MYO5A: variants seen among roughly 807,000 people sequenced by gnomAD.
MYO5A encodes myosin VA.
MYO5A carries 98 observed loss-of-function variants against 249.7 expected under a neutral mutation model. The ratio of observed to expected loss-of-function variants is 0.39; its 90% CI spans 0.33 to 0.46. The LOEUF is 0.46. MYO5A is among the 20% of genes least tolerant of loss of function. The pLI, the probability that MYO5A is intolerant of heterozygous loss-of-function variation, is 0.98. For synonymous variants in MYO5A, 778 were observed against 810.6 expected, an observed-to-expected ratio of 0.96 and a Z score of 0.68; for missense variants, 1,696 against 2,308.8, an observed-to-expected ratio of 0.73 and a Z score of 5.44.
intron 1 of MYO5A, among the ~76,000 whole-genome samples, chr15:52,442,758 CTTTTTTTTT>C (rs57527294): frequency 7.1e-6 from 1 of 140,994 alleles, no homozygotes; most frequent in Admixed American, 7.1e-5. Flanking sequence ...CAGTTTTTTT[CTTTTTTTTT>C]TTTTTTGAGA....
chr15:52,482,712 A>G (rs190169418), intron 1 of MYO5A, among the ~76,000 whole-genome samples: 1 of 152,194 alleles, frequency 6.6e-6, no homozygotes, highest in East Asian at 1.9e-4. Flanking sequence ...GTGAACCTAA[A>G]ATGGCTTTAA....
chr15:52,325,408 C>CT (rs1209313890), intron 36 of MYO5A, among the ~76,000 whole-genome samples: 11,469 of 139,444 alleles, frequency 0.082, 1,390 homozygotes, highest in African/African-American at 0.27. Flanking sequence ...AAGCCCCCCA[C>CT]TTTTTTTTTT....
chr15:52,401,074 CTT>C (rs61604681), intron 9 of MYO5A, among the ~76,000 whole-genome samples: 3 of 136,032 alleles, frequency 2.2e-5, no homozygotes, highest in African/African-American at 5.5e-5. Flanking sequence ...TTCTCATAAG[CTT>C]TTTTTTTTTT....
chr15:52,434,225 C>G (rs2075610684), intron 1 of MYO5A, among the ~76,000 whole-genome samples: 1 of 151,880 alleles, frequency 6.6e-6, no homozygotes, highest in African/African-American at 2.4e-5. Flanking sequence ...GTCTCGAACC[C>G]CTGACCTCGT....
At chr15:52,338,081 G>A (rs903657957) in intron 32 of MYO5A, among the ~76,000 whole-genome samples, 197 bp from the exon 33 acceptor site, 3 of 152,094 alleles carry the variant, frequency 2.0e-5, no homozygotes, top group Non-Finnish European at 4.4e-5. Flanking sequence ...ATGTACAGAT[G>A]TTTCTTGTGT....
chr15:52,435,555 G>A (rs1366981681), intron 1 of MYO5A: 2 of 428,960 alleles, frequency 4.7e-6, no homozygotes, highest in South Asian at 1.7e-5. Flanking sequence ...GGGATTACAG[G>A]CATGAGCCAC....
At chr15:52,486,884 C>T (rs2076832675) in intron 1 of MYO5A, among the ~76,000 whole-genome samples, 1 of 152,156 alleles carries the variant, frequency 6.6e-6, no homozygotes, top group South Asian at 2.1e-4. Flanking sequence ...ACACCCATGT[C>T]ATAGGCACAC....
At chr15:52,488,938 G>C (rs1028550574) in intron 1 of MYO5A, among the ~76,000 whole-genome samples, 4 of 152,184 alleles carry the variant, frequency 2.6e-5, no homozygotes, top group African/African-American at 9.7e-5. Flanking sequence ...ACTGCCCATG[G>C]GAGGAGGCAT....
intron 1 of MYO5A, among the ~76,000 whole-genome samples, chr15:52,503,894 T>C (rs1160440824): frequency 6.6e-6 from 1 of 152,110 alleles, no homozygotes; most frequent in Non-Finnish European, 1.5e-5. Flanking sequence ...AATCTAAAAC[T>C]TAACAGGAAT....
chr15:52,475,599 A>G (rs1269189489), intron 1 of MYO5A, among the ~76,000 whole-genome samples: 1 of 152,024 alleles, frequency 6.6e-6, no homozygotes, highest in African/African-American at 2.4e-5. Flanking sequence ...CTTTGTTCTC[A>G]TTGGTTTCAA....
intron 1 of MYO5A, among the ~76,000 whole-genome samples, chr15:52,459,146 A>ATTTTTTTTTTTTTTT (rs199923318): frequency 1.2e-4 from 6 of 49,058 alleles, no homozygotes; most frequent in Admixed American, 5.3e-4. Flanking sequence ...ATTTTCCAGA[A>ATTTTTTTTTTTTTTT]ATTTTTTTTT....
intron 5 of MYO5A, among the ~76,000 whole-genome samples, chr15:52,415,180 CTG>C (rs2043421625): frequency 6.6e-6 from 1 of 152,144 alleles, no homozygotes; most frequent in Admixed American, 6.6e-5. Context: ...TTAACTCCAT[CTG>C]TGTTTGGGTG....
intron 1 of MYO5A, among the ~76,000 whole-genome samples, chr15:52,510,824 T>C (rs1489313060): frequency 2.6e-5 from 4 of 152,364 alleles, no homozygotes; most frequent in South Asian, 2.1e-4. Flanking sequence ...CTAAGTCTAA[T>C]GTATAGAATG....
intron 31 of MYO5A, 134 bp from the exon 32 acceptor site, chr15:52,340,528 G>T: frequency 9.1e-6 from 7 of 770,436 alleles, no homozygotes; most frequent in South Asian, 1.6e-5. Flanking sequence ...CTTCTGACTT[G>T]ATTAAAGTCA....
intron 11 of MYO5A, among the ~76,000 whole-genome samples, chr15:52,394,680 C>T (rs2042406639): frequency 6.6e-6 from 1 of 152,312 alleles, no homozygotes; most frequent in South Asian, 2.1e-4. Context: ...CACATGCAGA[C>T]AGGAGGCCCT....
chr15:52,356,529 C>T, intron 25 of MYO5A, among the ~76,000 whole-genome samples: 1 of 151,460 alleles, frequency 6.6e-6, no homozygotes, highest in Non-Finnish European at 1.5e-5. Flanking sequence ...GGTGTGTCAC[C>T]ATTTGCTTAG....
At chr15:52,433,413 C>CTTTTTT (rs151276395) in intron 1 of MYO5A, 128 bp from the exon 2 acceptor site, 38 of 275,860 alleles carry the variant, frequency 1.4e-4, no homozygotes, top group South Asian at 2.8e-4. Flanking sequence ...ATGAAATTCA[C>CTTTTTT]TTTTTTTTTT....
chr15:52,452,193 TA>T, intron 1 of MYO5A, among the ~76,000 whole-genome samples: 1 of 151,352 alleles, frequency 6.6e-6, no homozygotes, highest in Admixed American at 6.6e-5. Flanking sequence ...ATCCCAGAAT[TA>T]AAATGAGAAT....
At chr15:52,474,479 G>A (rs1567161137) in intron 1 of MYO5A, among the ~76,000 whole-genome samples, 1 of 152,154 alleles carries the variant, frequency 6.6e-6, no homozygotes, top group Non-Finnish European at 1.5e-5. Flanking sequence ...TTTTCAAAGG[G>A]AATGCTTCCA....
Sources: gnomAD v4.1 joint callset for allele counts (sites outside exome capture counted in the v4.1 genomes callset) on GRCh38, gnomAD v4.1.1 for gene constraint, MANE v1.5 for transcripts, NCBI Gene and HGNC (gene_info 2026-07-23, HGNC 2026-07-21) for gene names.